Variants in PINX1 observed in about 807,000 individuals in gnomAD.
PINX1 encodes the protein PIN2/TERF1-interacting telomerase inhibitor 1.
PINX1 carries 34 observed loss-of-function variants against 25.4 expected under a neutral mutation model. The ratio of observed to expected loss-of-function variants is 1.34; its 90% CI spans 1.02 to 1.78. The LOEUF (loss-of-function observed/expected upper bound fraction) is 1.78. Ranked by LOEUF, PINX1 falls within the 40% of genes most tolerant of loss-of-function variation. The pLI is 0.00. For missense variants in PINX1, 592 were observed against 404.9 expected (o/e 1.46, Z -3.97); for synonymous variants, 197 against 147.7 (o/e 1.33, Z -2.42).
intron 4 of PINX1, among the ~76,000 whole-genome samples, chr8:10,828,657 C>T (rs748683665): frequency 1.3e-5 from 2 of 152,182 alleles, no homozygotes; most frequent in Non-Finnish European, 2.9e-5. Context: ...AAGAAGGATG[C>T]GTGAGCACCG....
At chr8:10,821,429 C>A (rs971443421) in intron 5 of PINX1, among the ~76,000 whole-genome samples, 1 of 152,244 alleles carries the variant, frequency 6.6e-6, no homozygotes, top group African/African-American at 2.4e-5. Context: ...CCTGTTCCTG[C>A]CAGGAGGGCA....
chr8:10,820,399 C>G (rs557454901), intron 5 of PINX1, 130 bp from the exon 6 acceptor site: 10 of 699,614 alleles, frequency 1.4e-5, no homozygotes, highest in Non-Finnish European at 2.6e-5. Context: ...AAACTACTGA[C>G]TTTCTACCCA....
At chr8:10,791,051 T>A (rs76551253) in intron 6 of PINX1, among the ~76,000 whole-genome samples, 1 of 152,114 alleles carries the variant, frequency 6.6e-6, no homozygotes, top group African/African-American at 2.4e-5. Context: ...TAACTGGGAT[T>A]ACAAGTGCGC....
chr8:10,783,775 A>C (rs561055574), intron 6 of PINX1, among the ~76,000 whole-genome samples: 1 of 152,250 alleles, frequency 6.6e-6, no homozygotes, highest in Non-Finnish European at 1.5e-5. Flanking sequence ...GAAAATGATT[A>C]AAGTACTATT....
intron 4 of PINX1, among the ~76,000 whole-genome samples, chr8:10,829,304 A>AAAAG (rs1554494925): frequency 7.5e-5 from 11 of 146,718 alleles, no homozygotes; most frequent in Non-Finnish European, 1.4e-4. Flanking sequence ...AAAAAAAAAA[A>AAAAG]AGAGAGAGAG....
chr8:10,801,459 G>A (rs1802262125), intron 6 of PINX1, among the ~76,000 whole-genome samples: 1 of 152,220 alleles, frequency 6.6e-6, no homozygotes, highest in African/African-American at 2.4e-5. Flanking sequence ...CAAGTGAGGA[G>A]GAAGAAGATC....
chr8:10,808,745 T>C (rs2129082412), intron 6 of PINX1, among the ~76,000 whole-genome samples: 1 of 152,292 alleles, frequency 6.6e-6, no homozygotes, highest in South Asian at 2.1e-4. Context: ...AACAATCTGA[T>C]TTTCACCTAT....
In PINX1 at chr8:10,792,292, C is replaced by A. The variant is rs555798030; in HGVS notation, c.472-26376G>T. Among the ~76,000 whole-genome samples, 183 of 152,118 alleles carry A rather than the reference C, an allele frequency of 1.2e-3. 3 individuals are homozygous for A. In the South Asian group the frequency reaches 0.034, roughly 28 times the overall value. On this transcript the variant is annotated intron_variant, in intron 6 of 6. Transcript: ENST00000314787. ...CTACTTCTGCTTGAAAATCCTCCTG[C>A]ATCTTCTCTTACTGACCCTTTTGTC...
At chr8:10,767,105 G>A (rs1431672816) in intron 6 of PINX1, among the ~76,000 whole-genome samples, 1 of 152,024 alleles carries the variant, frequency 6.6e-6, no homozygotes, top group African/African-American at 2.4e-5. Context: ...GAGGCTGGGT[G>A]TTCTACGCTT....
intron 6 of PINX1, among the ~76,000 whole-genome samples, chr8:10,807,078 C>T (rs1003733866): frequency 2.6e-5 from 4 of 152,022 alleles, no homozygotes; most frequent in Non-Finnish European, 4.4e-5. Context: ...ATGAAGGGAG[C>T]AAACCAAAAC....
At chr8:10,803,807 G>C (rs759741050) in intron 6 of PINX1, among the ~76,000 whole-genome samples, 20 of 152,148 alleles carry the variant, frequency 1.3e-4, no homozygotes, top group Non-Finnish European at 2.5e-4. Flanking sequence ...GTTGAAAACA[G>C]ATTTACTATG....
Position 10,765,029 on chromosome 8 carries a change from G to A in PINX1, c.*372C>T, listed in dbSNP as rs976486237. On this transcript the variant is annotated 3_prime_UTR_variant, in exon 7 of 7. Coordinates refer to ENST00000314787, the MANE Select transcript of PINX1 (RefSeq NM_017884.6). ...AAGCACCATTCATTGTTATTGAAGG[G>A]AACCGAGAGCAAACGGAGATAGTGA... 10 of 185,158 alleles carry A rather than the reference G, an allele frequency of 5.4e-5. No individual in the cohort carries two copies. The highest frequency in any genetic ancestry group is 2.1e-4 in the African/African-American group (9 of 42,586). The allele number at this position is 185,158 out of a possible 1,614,324, so 11.5% of individuals were successfully genotyped here.
chr8:10,769,671 C>A (rs896433428), intron 6 of PINX1, among the ~76,000 whole-genome samples: 3 of 152,332 alleles, frequency 2.0e-5, no homozygotes, highest in African/African-American at 7.2e-5. Context: ...GGAGAGGCGT[C>A]CTCTCCACAT....
intron 6 of PINX1, among the ~76,000 whole-genome samples, chr8:10,790,383 G>A (rs1281641486): frequency 6.6e-6 from 1 of 152,184 alleles, no homozygotes; most frequent in Non-Finnish European, 1.5e-5. Context: ...AGATGTGGAG[G>A]AAAAGTTAAC....
chr8:10,839,607 C>T, intron 1 of PINX1, 131 bp downstream of exon 1: 1 of 917,568 alleles, frequency 1.1e-6, no homozygotes, highest in Non-Finnish European at 1.7e-6. Flanking sequence ...CCGGGCTCGG[C>T]TCCCCGGTCC....
intron 6 of PINX1, among the ~76,000 whole-genome samples, chr8:10,784,322 C>G (rs568748968): frequency 6.6e-6 from 1 of 152,218 alleles, no homozygotes. Context: ...TCCTTAGGAT[C>G]ACAAAGTAAG....
chr8:10,794,484 G>C (rs999965462), intron 6 of PINX1, among the ~76,000 whole-genome samples: 2 of 151,836 alleles, frequency 1.3e-5, no homozygotes, highest in African/African-American at 4.8e-5. Context: ...GCCCAGGCTG[G>C]AGTGCACTAG....
intron 6 of PINX1, among the ~76,000 whole-genome samples, chr8:10,803,852 T>A (rs183182862): frequency 6.6e-6 from 1 of 152,338 alleles, no homozygotes; most frequent in African/African-American, 2.4e-5. Flanking sequence ...GTATAGTGGA[T>A]AATGTGTCTG....
intron 6 of PINX1, among the ~76,000 whole-genome samples, chr8:10,810,772 G>C (rs184927542): frequency 6.6e-6 from 1 of 152,284 alleles, no homozygotes; most frequent in East Asian, 1.9e-4. Flanking sequence ...CACTGCCTTA[G>C]TCATTACTTA....
Sources: gnomAD v4.1 joint callset for allele counts (sites outside exome capture counted in the v4.1 genomes callset) on GRCh38, gnomAD v4.1.1 for gene constraint, MANE v1.5 for transcripts, NCBI Gene and HGNC (gene_info 2026-07-23, HGNC 2026-07-21) for gene names.